Variants in ADCY10 observed in about 807,000 individuals in gnomAD.
The protein encoded by ADCY10 is adenylate cyclase type 10.
In ADCY10, 156 loss-of-function variants were observed where a neutral mutation model predicts 183.3. The observed-to-expected ratio is 0.85, with a 90% CI of 0.75 to 0.97. ADCY10 has a LOEUF of 0.97. Among genes scored for constraint, ADCY10 ranks in the 50% least tolerant of loss-of-function variants. The probability of loss-of-function intolerance (pLI) is 0.00; values close to 1 mark genes in which losing one functional copy is unlikely to be tolerated. For synonymous variants in ADCY10, 645 were observed against 670.0 expected (o/e 0.96, Z 0.58); for missense variants, 1,745 against 1,934.3 (o/e 0.90, Z 1.84).
chr1:167,810,968 G>C (rs1662171706), intron 31 of ADCY10, 55 bp from the exon 32 acceptor site: 1 of 1,511,720 alleles, frequency 6.6e-7, no homozygotes, highest in African/African-American at 1.4e-5. Context: ...GTCCTTGACT[G>C]TAAGTTATTT....
At chr1:167,871,533 A>G (rs1381631863) in intron 13 of ADCY10, among the ~76,000 whole-genome samples, 1 of 152,222 alleles carries the variant, frequency 6.6e-6, no homozygotes, top group Non-Finnish European at 1.5e-5. Context: ...AAGGAGCTGT[A>G]AGAATTGTAA....
intron 8 of ADCY10, among the ~76,000 whole-genome samples, chr1:167,891,949 T>C (rs1405749138): frequency 6.6e-6 from 1 of 151,888 alleles, no homozygotes; most frequent in Non-Finnish European, 1.5e-5. Context: ...AATTTCTAAT[T>C]AACCAATGTG....
rs895511048 is a variant in ADCY10, at chr1:167,861,192, G to C, written c.1617-129C>G. On this transcript the variant is annotated intron_variant, in intron 14 of 32. Coordinates refer to ENST00000367851, the MANE Select transcript of ADCY10 (RefSeq NM_018417.6). ...TGATGGAGATTTTCCAAGCTATCTC[G>C]CAATGGTTCTTTATTGCTGCTTCTG... 8 of 801,966 alleles carry C rather than the reference G, an allele frequency of 1.0e-5. No individual in the cohort carries two copies. The African/African-American group carries it at 1.2e-4, about 12-fold the overall frequency. The allele number at this position is 801,966 out of a possible 1,614,324, so 49.7% of individuals were successfully genotyped here. A position where few individuals can be genotyped will look rare whatever the true frequency, so the allele number is the denominator to read the frequency against.
chr1:167,898,223 A>G (rs914148745), intron 6 of ADCY10, among the ~76,000 whole-genome samples: 23 of 151,630 alleles, frequency 1.5e-4, no homozygotes, highest in Non-Finnish European at 2.9e-4. Flanking sequence ...TGAGGGATAT[A>G]TGGAAACTCT....
At position 167,905,154 on chromosome 1, in the gene ADCY10, G is replaced by A. The variant is rs1452057779; in HGVS notation, c.-14C>T. The A allele has an allele frequency of 5.0e-6, 8 of 1,614,072 alleles. No homozygotes were observed. In the Admixed American group the frequency reaches 5.0e-5, roughly 10 times the overall value. On this transcript the variant is annotated 5_prime_UTR_variant, in exon 2 of 33. Coordinates refer to ENST00000367851, the MANE Select transcript of ADCY10 (RefSeq NM_018417.6). ...TGGAGTGTTCATGTTCAAGACAAAT[G>A]TTCAGGATTTTATGGTGACAGGAAG... is the stretch of plus-strand genomic sequence containing the variant.
chr1:167,842,909 A>T (rs1160824032), intron 21 of ADCY10, among the ~76,000 whole-genome samples: 1 of 152,222 alleles, frequency 6.6e-6, no homozygotes, highest in Admixed American at 6.5e-5. Flanking sequence ...GCTAAATTAA[A>T]AATGTTTGCC....
intron 8 of ADCY10, among the ~76,000 whole-genome samples, chr1:167,889,643 C>T (rs1829684): frequency 0.18 from 27,288 of 151,954 alleles, 2,783 homozygotes; most frequent in South Asian, 0.31. Flanking sequence ...AGTTTGAGTA[C>T]GGTTGGTATT....
At chr1:167,893,484 G>A (rs536089648) in intron 8 of ADCY10, among the ~76,000 whole-genome samples, 2 of 152,002 alleles carry the variant, frequency 1.3e-5, no homozygotes, top group African/African-American at 4.8e-5. Flanking sequence ...AGGGTGAGGC[G>A]GGCAGATTTC....
intron 14 of ADCY10, among the ~76,000 whole-genome samples, chr1:167,863,181 C>T (rs1160324867): frequency 6.6e-6 from 1 of 152,178 alleles, no homozygotes; most frequent in Non-Finnish European, 1.5e-5. Flanking sequence ...CGCCTAGGAA[C>T]CAGACCCGAA....
At chr1:167,864,244 G>C (rs527900560) in intron 14 of ADCY10, among the ~76,000 whole-genome samples, 1 of 152,098 alleles carries the variant, frequency 6.6e-6, no homozygotes, top group African/African-American at 2.4e-5. Flanking sequence ...GTTTTGTCTC[G>C]AAGAAACATG....
chr1:167,851,961 T>C (rs556899332), intron 18 of ADCY10, among the ~76,000 whole-genome samples: 1 of 152,206 alleles, frequency 6.6e-6, no homozygotes, highest in East Asian at 1.9e-4. Flanking sequence ...ATCATATTTA[T>C]TTTTTTAATT....
At chr1:167,830,176 G>C (rs1444844261) in intron 25 of ADCY10, among the ~76,000 whole-genome samples, 1 of 152,010 alleles carries the variant, frequency 6.6e-6, no homozygotes, top group Non-Finnish European at 1.5e-5. Flanking sequence ...TATTCCCCTA[G>C]CTGCTCCTAT....
chr1:167,825,342 A>G (rs1167039678), intron 26 of ADCY10, among the ~76,000 whole-genome samples: 1 of 151,036 alleles, frequency 6.6e-6, no homozygotes, highest in Non-Finnish European at 1.5e-5. Context: ...TTTTTTAAAT[A>G]AGGACTAGTT....
chr1:167,856,560 C>T, intron 16 of ADCY10, 121 bp from the exon 17 acceptor site: 1 of 944,508 alleles, frequency 1.1e-6, no homozygotes, highest in East Asian at 2.4e-5. Flanking sequence ...AGCGAAAGAA[C>T]TAAGTTCAAT....
chr1:167,818,270 G>T lies in ADCY10; in HGVS notation c.4287-3C>A. 6.2e-7 allele frequency: 1 copy of T among 1,612,940 alleles called. No homozygotes were observed. Among genetic ancestry groups the T allele is most frequent in the African/African-American group, 1.3e-5 (1 of 74,990 alleles). ...CCCATTCCTGAAGTCTGGCATACCT[G>T]CATTACCACAAGAGAATAAGAAAAA... On this transcript the variant is annotated splice_region_variant and splice_polypyrimidine_tract_variant and intron_variant, in intron 30 of 32. Transcript: ENST00000367851.
chr1:167,814,872 T>C (rs1286544922), intron 31 of ADCY10, among the ~76,000 whole-genome samples: 2 of 152,174 alleles, frequency 1.3e-5, no homozygotes, highest in African/African-American at 4.8e-5. Context: ...ATGCCTGTAA[T>C]CCCAGCACTT....
intron 18 of ADCY10, 114 bp downstream of exon 18, chr1:167,854,239 C>A (rs904068404): frequency 1.5e-6 from 2 of 1,316,864 alleles, no homozygotes; most frequent in Non-Finnish European, 2.2e-6. Flanking sequence ...TCCCCAGAAC[C>A]TTCTGACTCT....
chr1:167,852,865 T>C (rs1665601394), intron 18 of ADCY10, among the ~76,000 whole-genome samples: 3 of 151,920 alleles, frequency 2.0e-5, no homozygotes, highest in African/African-American at 7.3e-5. Context: ...GGGGGCCACA[T>C]GGTCCTGTAG....
At chr1:167,874,978 G>T (rs1392640016) in intron 13 of ADCY10, among the ~76,000 whole-genome samples, 153 bp downstream of exon 13, 1 of 152,122 alleles carries the variant, frequency 6.6e-6, no homozygotes, top group Non-Finnish European at 1.5e-5. Context: ...AGTAATCCTG[G>T]TGTATTGCTA....
Sources: allele counts gnomAD v4.1 joint callset (sites outside exome capture counted in the v4.1 genomes callset), GRCh38; gene constraint gnomAD v4.1.1; transcripts MANE v1.5; gene names NCBI Gene and HGNC (gene_info 2026-07-23, HGNC 2026-07-21).